GRB10: variants seen among roughly 807,000 people sequenced by gnomAD.
GRB10 encodes the protein growth factor receptor-bound protein 10.
A neutral mutation model predicts 80.9 loss-of-function variants in GRB10; 20 were observed. That is an observed-to-expected ratio of 0.25 (90% CI 0.17 to 0.36). The LOEUF (loss-of-function observed/expected upper bound fraction) is 0.36, where lower values mean the gene tolerates loss of function less well. GRB10 is among the 10% of genes least tolerant of loss of function. The probability of loss-of-function intolerance (pLI) is 1.00; values close to 1 mark genes in which losing one functional copy is unlikely to be tolerated. For missense variants in GRB10, 548 were observed against 747.7 expected (o/e 0.73, Z 3.12); for synonymous variants, 291 against 291.5 (o/e 1.00, Z 0.02).
intron 7 of GRB10, among the ~76,000 whole-genome samples, chr7:50,662,494 G>A (rs73116809): frequency 6.6e-6 from 1 of 151,712 alleles, no homozygotes; most frequent in Non-Finnish European, 1.5e-5. Context: ...AGGCAGGAGG[G>A]GGGACAGACT....
At chr7:50,743,184 A>G (rs2072206484) in intron 3 of GRB10, among the ~76,000 whole-genome samples, 1 of 152,264 alleles carries the variant, frequency 6.6e-6, no homozygotes, top group African/African-American at 2.4e-5. Context: ...GCAGCAAAGC[A>G]TGACCTCATT....
chr7:50,637,979 T>C (rs549191406), intron 7 of GRB10, among the ~76,000 whole-genome samples: 1 of 152,300 alleles, frequency 6.6e-6, no homozygotes, highest in African/African-American at 2.4e-5. Context: ...TAAATAGTGC[T>C]GGGAAAATTG....
At chr7:50,700,452 T>C (rs2064024556) in intron 5 of GRB10, among the ~76,000 whole-genome samples, 1 of 152,222 alleles carries the variant, frequency 6.6e-6, no homozygotes, top group Non-Finnish European at 1.5e-5. Context: ...TTTGCTGTTA[T>C]GGTCGTTTTT....
intron 13 of GRB10, among the ~76,000 whole-genome samples, chr7:50,607,931 T>C (rs1034600692): frequency 6.6e-6 from 1 of 152,220 alleles, no homozygotes; most frequent in African/African-American, 2.4e-5. Flanking sequence ...TCTTCTTTCA[T>C]GGGATCTAAG....
intron 8 of GRB10, among the ~76,000 whole-genome samples, chr7:50,620,393 T>C (rs537744990): frequency 3.1e-4 from 47 of 152,308 alleles, no homozygotes; most frequent in Non-Finnish European, 4.6e-4. Flanking sequence ...GGCAAAAGCA[T>C]TTCTGAGTCA....
At chr7:50,786,950 T>C (rs2078717751), upstream of GRB10, among the ~76,000 whole-genome samples, 1 of 152,192 alleles carries the variant, frequency 6.6e-6, no homozygotes, top group Non-Finnish European at 1.5e-5. Flanking sequence ...CCTTAGGCCT[T>C]GGAAAAGAGA....
In GRB10 at chr7:50,660,789, C is replaced by T. The variant is rs796682249; in HGVS notation, c.504+8933G>A. On this transcript the variant is annotated intron_variant, in intron 7 of 18. Transcript: ENST00000401949. ...TGCACCTCATGCTGACTCTTGCGTG[C>T]GTGAAGCCACAAGGGACCATCCTGT... Among the ~76,000 whole-genome samples, 10 of 152,142 alleles carry T rather than the reference C, an allele frequency of 6.6e-5. 1 individual carries two copies. The highest frequency in any genetic ancestry group is 2.2e-4 in the African/African-American group (9 of 41,542).
At chr7:50,706,194 C>T (rs527627430) in intron 4 of GRB10, among the ~76,000 whole-genome samples, 64 of 152,320 alleles carry the variant, frequency 4.2e-4, no homozygotes, top group African/African-American at 1.5e-3. Context: ...CACAACTAGA[C>T]ACTGTTGAAG....
chr7:50,684,784 C>T (rs977938337), intron 5 of GRB10, among the ~76,000 whole-genome samples: 1 of 152,200 alleles, frequency 6.6e-6, no homozygotes, highest in Non-Finnish European at 1.5e-5. Flanking sequence ...TTAACTGTAT[C>T]TTTCCCAAGT....
chr7:50,668,422 C>G (rs1444559240), intron 7 of GRB10, among the ~76,000 whole-genome samples: 1 of 152,132 alleles, frequency 6.6e-6, no homozygotes, highest in African/African-American at 2.4e-5. Flanking sequence ...GGAAGCCAAT[C>G]AGCACAGTGG....
Position 50,776,873 on chromosome 7 carries a change from G to A in GRB10, c.-217+3754C>T, listed in dbSNP as rs189596520. On this transcript the variant is annotated intron_variant, in intron 2 of 18. Transcript: ENST00000401949. Reference sequence around the variant, plus strand: ...CTAAGAAGACACTGGTTATCTCTACGGCTCTCCTCTTCTTCTGGGCCCTCA... The same window carrying A: ...CTAAGAAGACACTGGTTATCTCTACAGCTCTCCTCTTCTTCTGGGCCCTCA... Among the ~76,000 whole-genome samples the A allele has an allele frequency of 4.6e-5, 7 of 152,198 alleles. No individual in the cohort carries two copies. In the East Asian group the frequency reaches 1.3e-3, roughly 29 times the overall value.
rs370867207 is a variant in GRB10, at chr7:50,648,014, GT to G, written c.505-21037del. The stretch of plus-strand genomic sequence containing the variant: ...TTAAGCACCCACATGGAGGTGCCAT[GT>G]TGGCAGCTGGAAACAGGAGTCTGGG... On this transcript the variant is annotated intron_variant, in intron 7 of 18. Coordinates refer to ENST00000401949, the MANE Select transcript of GRB10 (RefSeq NM_001350814.2). Among the ~76,000 whole-genome samples, 14 of 152,310 alleles carry G rather than the reference GT, an allele frequency of 9.2e-5. No homozygotes were observed. In the East Asian group the frequency reaches 2.3e-3, roughly 25 times the overall value.
chr7:50,753,313 T>A (rs1220197819), intron 3 of GRB10, among the ~76,000 whole-genome samples: 1 of 152,196 alleles, frequency 6.6e-6, no homozygotes, highest in Non-Finnish European at 1.5e-5. Flanking sequence ...AAAACGTGAG[T>A]TCTTAACAGG....
chr7:50,674,561 G>C lies in GRB10; in HGVS notation c.237C>G (p.Leu79=). 1 of 1,612,638 alleles carries C rather than the reference G, an allele frequency of 6.2e-7. No homozygotes were observed. Among genetic ancestry groups the C allele is most frequent in the Non-Finnish European group, 8.5e-7 (1 of 1,180,030 alleles). The change falls in exon 6 of 19, where the codon CTC becomes CTG. Residue 79 remains leucine, a synonymous_variant. Transcript: ENST00000401949. Reference sequence around the variant, plus strand: ...TGCGGGCATGCTGGCCATTCTGCAGGAGGGGCACCGTGTCTGACTGCATGC... The same window carrying C: ...TGCGGGCATGCTGGCCATTCTGCAGCAGGGGCACCGTGTCTGACTGCATGC... ...ACSMQSDTVP[L]LQNGQHARSQ... is the part of the protein sequence containing the mutation.
At chr7:50,749,772 G>A (rs1192541054) in intron 3 of GRB10, among the ~76,000 whole-genome samples, 1 of 152,174 alleles carries the variant, frequency 6.6e-6, no homozygotes, top group Non-Finnish European at 1.5e-5. Context: ...ACAGTATAAA[G>A]AGAGGGCACC....
intron 7 of GRB10, among the ~76,000 whole-genome samples, chr7:50,665,559 G>A (rs767372803): frequency 3.9e-5 from 6 of 152,204 alleles, no homozygotes; most frequent in African/African-American, 7.2e-5. Flanking sequence ...CCCATAACAC[G>A]TTGGACAAAC....
At chr7:50,605,236 TG>T in intron 15 of GRB10, 53 bp downstream of exon 15, 1 of 1,349,776 alleles carries the variant, frequency 7.4e-7, no homozygotes, top group Non-Finnish European at 1.1e-6. Context: ...GACCACGTGG[TG>T]GGGCTACCAC....
chr7:50,674,070 C>T (rs371863696), intron 6 of GRB10, among the ~76,000 whole-genome samples: 1 of 152,200 alleles, frequency 6.6e-6, no homozygotes, highest in Non-Finnish European at 1.5e-5. Flanking sequence ...GCTAGCCTCC[C>T]GTCCCTACTC....
chr7:50,625,890 G>A (rs2052785949), intron 8 of GRB10, among the ~76,000 whole-genome samples: 1 of 152,168 alleles, frequency 6.6e-6, no homozygotes, highest in Admixed American at 6.5e-5. Flanking sequence ...TTTAAATTAA[G>A]TATTCCAGAC....
Sources: gnomAD v4.1 joint callset for allele counts (sites outside exome capture counted in the v4.1 genomes callset) on GRCh38, gnomAD v4.1.1 for gene constraint, MANE v1.5 for transcripts, NCBI Gene and HGNC (gene_info 2026-07-23, HGNC 2026-07-21) for gene names.